The following SLC22A7 variants were observed in gnomAD, a reference collection of about 807,000 sequenced individuals.
SLC22A7 encodes solute carrier family 22 member 7, also known as hOAT2.
SLC22A7 carries 48 observed loss-of-function variants against 62.2 expected under a neutral mutation model. That is an observed-to-expected ratio of 0.77 (90% CI 0.61 to 0.98). The LOEUF (loss-of-function observed/expected upper bound fraction) is 0.98, where lower values mean the gene tolerates loss of function less well. Ranked by LOEUF, SLC22A7 falls within the 50% of genes least tolerant of loss-of-function variation. The pLI is 0.00. For synonymous variants in SLC22A7, 276 were observed against 314.8 expected, an observed-to-expected ratio of 0.88 and a Z score of 1.30; for missense variants, 581 against 703.8, an observed-to-expected ratio of 0.83 and a Z score of 1.97.
rs370608160 is a variant in SLC22A7 at position 43,302,221 on chromosome 6, T to C, written c.1083T>C (p.Tyr361=). ...TCAGGTTCGGAGTGAACTTCTCCTA[T>C]TACGGCCTGAGTCTGGATGTGTCGG... ...VVVWFGVNFS[Y]YGLSLDVSGL... Residue 361 remains tyrosine (Y), a synonymous_variant, in exon 8 of 11, where the codon TAT becomes TAC. Transcript: ENST00000372585. The surrounding 1 kb of genome is among the most constrained non-coding windows in gnomAD (Gnocchi z 5.0). The C allele has an allele frequency of 1.1e-5, 18 of 1,593,222 alleles. No homozygotes were observed. In the African/African-American group the frequency reaches 1.9e-4, roughly 17 times the overall value.
At chr6:43,298,837 T>C (rs955595708) in intron 1 of SLC22A7, 86 bp downstream of exon 1, 1 of 1,493,286 alleles carries the variant, frequency 6.7e-7, no homozygotes, top group East Asian at 2.3e-5. Context: ...ATTAGATGTA[T>C]TACTTTACCT....
Position 43,302,631 on chromosome 6 carries a change from C to T in SLC22A7, c.1277-24C>T, listed in dbSNP as rs775131130. 30 of 1,553,432 alleles carry T rather than the reference C, an allele frequency of 1.9e-5. No individual in the cohort carries two copies. The highest frequency in any genetic ancestry group is 2.0e-4 in the Middle Eastern group (1 of 5,032). Reference sequence around the variant, plus strand: ...CTGGCTCTCCTCCAAGGCCCTCTCACTACCTGAACCCGCTTCCCTCCAGAT... The same window carrying T: ...CTGGCTCTCCTCCAAGGCCCTCTCATTACCTGAACCCGCTTCCCTCCAGAT... On this transcript the variant is annotated intron_variant, in intron 8 of 10. Transcript: ENST00000372585. This position sits in a 1 kb window ranked among gnomAD's most constrained non-coding sequence, Gnocchi z 5.0.
In SLC22A7 at chr6:43,299,539, T is replaced by G. The variant is rs1778659949; in HGVS notation, c.503+46T>G. On this transcript the variant is annotated intron_variant, in intron 3 of 10. Coordinates refer to ENST00000372585, the MANE Select transcript of SLC22A7 (RefSeq NM_153320.2). This position sits in a 1 kb window ranked among gnomAD's most constrained non-coding sequence, Gnocchi z 4.4. ...AATAAGAAACTGGCTGGGGGAACTT[T>G]CTCCCACTAGCTGGGGTATGAGCCT... The G allele has an allele frequency of 8.7e-6, 14 of 1,605,834 alleles. No individual in the cohort carries two copies. The highest frequency in any genetic ancestry group is 1.3e-5 in the African/African-American group (1 of 74,648).
Position 43,302,623 on chromosome 6 carries a change from C to A in SLC22A7, c.1277-32C>A. 6.7e-7 allele frequency: 1 copy of A among 1,502,072 alleles called. No homozygotes were observed. The highest frequency in any genetic ancestry group is 9.2e-7 in the Non-Finnish European group (1 of 1,092,308). The allele number at this position is 1,502,072 out of a possible 1,614,324, so 93.0% of individuals were successfully genotyped here. The stretch of plus-strand genomic sequence containing the variant: ...GAACACCCCTGGCTCTCCTCCAAGG[C>A]CCTCTCACTACCTGAACCCGCTTCC... On this transcript the variant is annotated intron_variant, in intron 8 of 10. Transcript: ENST00000372585. The surrounding 1 kb of genome is among the most constrained non-coding windows in gnomAD (Gnocchi z 5.0).
rs748351247 is a variant in SLC22A7 at position 43,304,204 on chromosome 6, G to A, written c.1552G>A (p.Ala518Thr). The change falls in exon 10 of 11, where the codon GCA becomes ACA. Residue 518 changes from alanine (A) to threonine (T), a missense_variant. Ala to Thr is a moderately conservative substitution (Grantham distance 58). Coordinates refer to ENST00000372585, the MANE Select transcript of SLC22A7 (RefSeq NM_153320.2). ...TALLLPETRQ[A>T]QLPETIQDVE... ...CCTCCTGCTGCCAGAGACGAGGCAG[G>A]CACAGCTGCCAGAGACCATCCAGGA... is the stretch of plus-strand genomic sequence containing the variant. The A allele has an allele frequency of 2.5e-6, 4 of 1,587,440 alleles. No individual in the cohort carries two copies. The Admixed American group carries it at 5.2e-5, about 21-fold the overall frequency.
chr6:43,298,127 T>G (rs1778599640), upstream of SLC22A7: 2 of 536,948 alleles, frequency 3.7e-6, no homozygotes, highest in Non-Finnish European at 6.6e-6. Context: ...GACCTCTGAA[T>G]GGATGGCTTC....
In SLC22A7 at chr6:43,299,819, G is replaced by T; in HGVS notation, c.658+38G>T. ...AGAAACAGGCAGGACCTAGAGGGCT[G>T]GAAGAAGGCAGTTGTCAGAGTGAGG... On this transcript the variant is annotated intron_variant, in intron 4 of 10. Coordinates refer to ENST00000372585, the MANE Select transcript of SLC22A7 (RefSeq NM_153320.2). This position sits in a 1 kb window ranked among gnomAD's most constrained non-coding sequence, Gnocchi z 4.4. 1 of 1,614,184 alleles carries T rather than the reference G, an allele frequency of 6.2e-7. No homozygotes were observed. Among genetic ancestry groups the T allele is most frequent in the Non-Finnish European group, 8.5e-7 (1 of 1,180,026 alleles).
chr6:43,304,115 G>A lies in SLC22A7; in HGVS notation c.1463G>A (p.Gly488Glu), dbSNP rs774908941. The A allele has an allele frequency of 1.9e-6, 3 of 1,607,484 alleles. No individual in the cohort carries two copies. The highest frequency in any genetic ancestry group is 2.6e-6 in the Non-Finnish European group (3 of 1,176,256). Residue 488 changes from glycine (G) to glutamate (E), a missense_variant, in exon 10 of 11, where the codon GGA (glycine) becomes GAA (glutamate). Transcript: ENST00000372585. ...SLAPLAALLD[G>E]VWLSLPKLTY... ...GCCCCACTGGCGGCCTTGCTGGATGGAGTGTGGCTGTCACTGCCCAAGCTT... is the reference window on the plus strand; with the variant it reads ...GCCCCACTGGCGGCCTTGCTGGATGAAGTGTGGCTGTCACTGCCCAAGCTT...
chr6:43,300,237 C>T (rs905090889), intron 5 of SLC22A7, 171 bp downstream of exon 5: 5 of 688,038 alleles, frequency 7.3e-6, no homozygotes, highest in Non-Finnish European at 1.2e-5. Context: ...CAGAGATCAA[C>T]AGAAAGAAGA....
chr6:43,302,498 C>A lies in SLC22A7; in HGVS notation c.1276+84C>A. ...CTCCCCGGAGACCCCACCTCCTGGC[C>A]AAGAACCCACTCCTCCCCCAGATCC... On this transcript the variant is annotated intron_variant, in intron 8 of 10. Coordinates refer to ENST00000372585, the MANE Select transcript of SLC22A7 (RefSeq NM_153320.2). The surrounding 1 kb of genome is among the most constrained non-coding windows in gnomAD (Gnocchi z 5.0). 1 of 1,286,222 alleles carries A rather than the reference C, an allele frequency of 7.8e-7. No homozygotes were observed. The highest frequency in any genetic ancestry group is 1.1e-6 in the Non-Finnish European group (1 of 938,344). The allele number at this position is 1,286,222 out of a possible 1,614,324, so 79.7% of individuals were successfully genotyped here.
Position 43,299,711 on chromosome 6 carries a change from A to C in SLC22A7, c.588A>C (p.Val196=). 1 of 1,614,126 alleles carries C rather than the reference A, an allele frequency of 6.2e-7. No individual in the cohort carries two copies. Among genetic ancestry groups the C allele is most frequent in the Non-Finnish European group, 8.5e-7 (1 of 1,180,022 alleles). The part of the protein sequence containing the change: ...GLASAASVSY[V]MFAITRTLTG... ...CATCTGCAGCCTCCGTCAGCTATGTAATGTTTGCCATCACCCGCACCCTTA... is the reference window on the plus strand; with the variant it reads ...CATCTGCAGCCTCCGTCAGCTATGTCATGTTTGCCATCACCCGCACCCTTA... Residue 196 remains valine, a synonymous_variant, in exon 4 of 11, where the codon GTA becomes GTC. Coordinates refer to ENST00000372585, the MANE Select transcript of SLC22A7 (RefSeq NM_153320.2). The surrounding 1 kb of genome is among the most constrained non-coding windows in gnomAD (Gnocchi z 4.4).
At chr6:43,297,686 G>A (rs1173771011), upstream of SLC22A7, among the ~76,000 whole-genome samples, 1 of 152,194 alleles carries the variant, frequency 6.6e-6, no homozygotes, top group Non-Finnish European at 1.5e-5. Flanking sequence ...ATATGTATGG[G>A]GAGAGTCCCT....
At position 43,302,511 on chromosome 6, in the gene SLC22A7, C is replaced by T. The variant is rs1028931042; in HGVS notation, c.1276+97C>T. 113 of 1,243,008 alleles carry T rather than the reference C, an allele frequency of 9.1e-5. No homozygotes were observed. The highest frequency in any genetic ancestry group is 1.2e-4 in the Non-Finnish European group (106 of 897,404). The allele number at this position is 1,243,008 out of a possible 1,614,324, so 77.0% of individuals were successfully genotyped here. A position where few individuals can be genotyped will look rare whatever the true frequency, so the allele number is the denominator to read the frequency against. On this transcript the variant is annotated intron_variant, in intron 8 of 10. Transcript: ENST00000372585. The surrounding 1 kb of genome is among the most constrained non-coding windows in gnomAD (Gnocchi z 5.0). The stretch of plus-strand genomic sequence containing the variant: ...CCACCTCCTGGCCAAGAACCCACTC[C>T]TCCCCCAGATCCCTGCTCTTACCCA...
intron 9 of SLC22A7, among the ~76,000 whole-genome samples, chr6:43,303,691 G>C (rs2150736839): frequency 6.6e-6 from 1 of 152,244 alleles, no homozygotes; most frequent in African/African-American, 2.4e-5. Flanking sequence ...TGTTTAGAAA[G>C]AGGTTTGCCT....
chr6:43,300,048 C>A lies in SLC22A7; in HGVS notation c.809C>A (p.Pro270Gln). 1 of 1,614,054 alleles carries A rather than the reference C, an allele frequency of 6.2e-7. No individual in the cohort carries two copies. ...LLLAVTLPCA[P>Q]GILSLWWVPE... is the part of the protein sequence containing the mutation. ...CTAGCTGTCACCCTGCCTTGTGCCCCAGGCATCCTCAGCCTCTGGTGAGGA... is the reference window on the plus strand; with the variant it reads ...CTAGCTGTCACCCTGCCTTGTGCCCAAGGCATCCTCAGCCTCTGGTGAGGA... Residue 270 changes from proline to glutamine, a missense_variant, in exon 5 of 11, where the codon CCA becomes CAA. Physicochemically the swap from Pro to Gln is moderately conservative, Grantham distance 76 (BLOSUM62 -1). Transcript: ENST00000372585.
chr6:43,299,540 C>G lies in SLC22A7; in HGVS notation c.503+47C>G, dbSNP rs1778660049. 1 of 1,605,292 alleles carries G rather than the reference C, an allele frequency of 6.2e-7. No individual in the cohort carries two copies. The stretch of plus-strand genomic sequence containing the variant: ...ATAAGAAACTGGCTGGGGGAACTTT[C>G]TCCCACTAGCTGGGGTATGAGCCTA... On this transcript the variant is annotated intron_variant, in intron 3 of 10. Transcript: ENST00000372585. The surrounding 1 kb of genome is among the most constrained non-coding windows in gnomAD (Gnocchi z 4.4).
At chr6:43,304,583 G>A in intron 10 of SLC22A7, 88 bp from the exon 11 acceptor site, 7 of 1,144,528 alleles carry the variant, frequency 6.1e-6, no homozygotes, top group Non-Finnish European at 9.0e-6. Flanking sequence ...GAACTGGGGT[G>A]AGCCCTGGGA....
chr6:43,298,259 C>CTCCAGAGTCCACCTCAGG, upstream of SLC22A7: 1 of 1,067,114 alleles, frequency 9.4e-7, no homozygotes, highest in South Asian at 1.6e-5. Flanking sequence ...CCAGTCCATC[C>CTCCAGAGTCCACCTCAGG]ACTCCCACCT....
chr6:43,298,303 G>A lies in SLC22A7; in HGVS notation c.-56G>A. The A allele has an allele frequency of 6.7e-7, 1 of 1,494,628 alleles. No individual in the cohort carries two copies. The allele number at this position is 1,494,628 out of a possible 1,614,324, so 92.6% of individuals were successfully genotyped here. On this transcript the variant is annotated 5_prime_UTR_variant, in exon 1 of 11. An upstream open reading frame in the 5' UTR loses its in-frame stop. Transcript: ENST00000372585. Reference sequence around the variant, plus strand: ...CAAGGGTCTATGTGGTGGGCAGTTTGAGCTGGCTGGATACTAGAGGGAGGC... The same window carrying A: ...CAAGGGTCTATGTGGTGGGCAGTTTAAGCTGGCTGGATACTAGAGGGAGGC...
Sources: gnomAD v4.1 joint callset for allele counts (sites outside exome capture counted in the v4.1 genomes callset) on GRCh38, gnomAD v4.1.1 for gene constraint, Gnocchi (gnomAD v3.1) non-coding constraint, MANE v1.5 for transcripts, NCBI Gene and HGNC (gene_info 2026-07-23, HGNC 2026-07-21) for gene names.